The following KCNQ5 variants were observed in gnomAD, a reference collection of about 807,000 sequenced individuals.
KCNQ5 encodes potassium voltage-gated channel subfamily Q member 5.
KCNQ5 carries 30 observed loss-of-function variants against 98.2 expected under a neutral mutation model. The ratio of observed to expected loss-of-function variants is 0.31; its 90% CI spans 0.23 to 0.41. The LOEUF is 0.41. Ranked by LOEUF, KCNQ5 falls within the 10% of genes least tolerant of loss-of-function variation. The pLI is 1.00. For synonymous variants in KCNQ5, 458 were observed against 449.4 expected (o/e 1.02, Z -0.24); for missense variants, 835 against 1,182.5 (o/e 0.71, Z 4.31).
chr6:72,988,251 A>C (rs968989901), intron 1 of KCNQ5, among the ~76,000 whole-genome samples: 7 of 152,218 alleles, frequency 4.6e-5, no homozygotes, highest in African/African-American at 1.7e-4. Context: ...TCCGCATCTT[A>C]TAGATGAGGC....
At chr6:73,165,813 T>A (rs971783555) in intron 10 of KCNQ5, among the ~76,000 whole-genome samples, 1 of 151,654 alleles carries the variant, frequency 6.6e-6, no homozygotes, top group Non-Finnish European at 1.5e-5. Context: ...TGTGTGGTGG[T>A]GGGCACCTAT....
At chr6:72,686,325 G>T (rs535943545) in intron 1 of KCNQ5, among the ~76,000 whole-genome samples, 1 of 152,222 alleles carries the variant, frequency 6.6e-6, no homozygotes, top group South Asian at 2.1e-4. Context: ...ATTTTGTGAT[G>T]TTCCCTCGAG....
intron 1 of KCNQ5, among the ~76,000 whole-genome samples, chr6:72,852,713 AT>A (rs1469699705): frequency 8.8e-6 from 1 of 113,666 alleles, no homozygotes; most frequent in Admixed American, 8.3e-5. Context: ...CTTTACCTCA[AT>A]AAAAAAAAGA....
At chr6:72,789,020 C>T (rs1016050046) in intron 1 of KCNQ5, among the ~76,000 whole-genome samples, 12 of 152,192 alleles carry the variant, frequency 7.9e-5, no homozygotes, top group African/African-American at 2.9e-4. Flanking sequence ...TGCCAAGCCC[C>T]AGTCCAAACC....
intron 3 of KCNQ5, among the ~76,000 whole-genome samples, chr6:73,071,283 A>G (rs371888088): frequency 6.6e-6 from 1 of 152,170 alleles, no homozygotes; most frequent in East Asian, 1.9e-4. Context: ...TGGTACCATC[A>G]TTTTGAAGGC....
At chr6:72,871,823 C>G (rs1778219122) in intron 1 of KCNQ5, among the ~76,000 whole-genome samples, 1 of 152,122 alleles carries the variant, frequency 6.6e-6, no homozygotes, top group South Asian at 2.1e-4. Flanking sequence ...ATACATCTCT[C>G]CATCTATCAA....
At chr6:72,682,854 C>A (rs1404616630) in intron 1 of KCNQ5, among the ~76,000 whole-genome samples, 1 of 152,090 alleles carries the variant, frequency 6.6e-6, no homozygotes, top group Non-Finnish European at 1.5e-5. Context: ...ACCTAATCTG[C>A]TGATTTTTTC....
At chr6:73,041,828 C>A in intron 2 of KCNQ5, 108 bp from the exon 3 acceptor site, 1 of 1,222,054 alleles carries the variant, frequency 8.2e-7, no homozygotes. Flanking sequence ...ATATTAACAA[C>A]TAGATCCTTT....
chr6:72,742,095 G>T (rs776456303), intron 1 of KCNQ5, among the ~76,000 whole-genome samples: 1 of 152,122 alleles, frequency 6.6e-6, no homozygotes, highest in Admixed American at 6.5e-5. Flanking sequence ...AGGTTTATTC[G>T]CTTGGGGATG....
At chr6:73,119,641 G>T (rs914483858) in intron 7 of KCNQ5, among the ~76,000 whole-genome samples, 27 of 152,026 alleles carry the variant, frequency 1.8e-4, no homozygotes, top group African/African-American at 6.0e-4. Context: ...CATAGTTCAA[G>T]GATTTCATTA....
rs527620337 is a variant in KCNQ5, at chr6:73,149,615, G to A, written c.1468+15974G>A. Among the ~76,000 whole-genome samples, 319 of 152,204 alleles carry A rather than the reference G, an allele frequency of 2.1e-3. 1 individual carries two copies. Among genetic ancestry groups the A allele is most frequent in the African/African-American group, 7.0e-3 (289 of 41,514 alleles). ...GTTCAAGACCAGCCTGGCCAACATGGTGAAACCCTGTCTCTACTAAAAATA... is the reference window on the plus strand; with the variant it reads ...GTTCAAGACCAGCCTGGCCAACATGATGAAACCCTGTCTCTACTAAAAATA... On this transcript the variant is annotated intron_variant, in intron 10 of 13. Transcript: ENST00000370398.
intron 1 of KCNQ5, among the ~76,000 whole-genome samples, chr6:72,982,505 T>G (rs1270283574): frequency 1.4e-5 from 2 of 147,994 alleles, no homozygotes; most frequent in Non-Finnish European, 3.0e-5. Flanking sequence ...TTTTTTTTTT[T>G]TTTTGCTTTC....
chr6:72,792,983 C>T (rs1774138676), intron 1 of KCNQ5, among the ~76,000 whole-genome samples: 1 of 152,118 alleles, frequency 6.6e-6, no homozygotes, highest in African/African-American at 2.4e-5. Flanking sequence ...TAGAATTACC[C>T]ACCTCCTGGG....
At chr6:72,920,092 G>A (rs746188739) in intron 1 of KCNQ5, among the ~76,000 whole-genome samples, 25 of 152,076 alleles carry the variant, frequency 1.6e-4, no homozygotes, top group African/African-American at 3.4e-4. Flanking sequence ...ACCTGAGGTC[G>A]GGAGTTTGAG....
chr6:72,838,324 A>C (rs968285118), intron 1 of KCNQ5, among the ~76,000 whole-genome samples: 1 of 151,964 alleles, frequency 6.6e-6, no homozygotes, highest in Non-Finnish European at 1.5e-5. Context: ...ATAGATCTCC[A>C]TACTCCCTGA....
At position 73,055,542 on chromosome 6, in the gene KCNQ5, C is replaced by T. The variant is rs1772445585; in HGVS notation, c.616+13480C>T. ...GACCTCACAGAAAATCACCTACCCT[C>T]CTGTGAGAGTCTGAAGGACACTATT... On this transcript the variant is annotated intron_variant, in intron 3 of 13. Transcript: ENST00000370398. 3.4e-6 allele frequency: 5 copies of T among 1,471,486 alleles called. No homozygotes were observed. In the South Asian group the frequency reaches 3.4e-5, roughly 10 times the overall value. The allele number at this position is 1,471,486 out of a possible 1,614,324, so 91.2% of individuals were successfully genotyped here.
chr6:72,755,025 T>C (rs1771895801), intron 1 of KCNQ5, among the ~76,000 whole-genome samples: 1 of 152,062 alleles, frequency 6.6e-6, no homozygotes, highest in South Asian at 2.1e-4. Flanking sequence ...TGAAGTTCTG[T>C]TGTTAAATAT....
At chr6:73,035,241 A>G (rs1771360330) in intron 2 of KCNQ5, among the ~76,000 whole-genome samples, 1 of 152,158 alleles carries the variant, frequency 6.6e-6, no homozygotes, top group South Asian at 2.1e-4. Flanking sequence ...CAAATGAGGA[A>G]CCATTGTAAC....
At chr6:73,126,459 C>T in intron 9 of KCNQ5, among the ~76,000 whole-genome samples, 1 of 152,212 alleles carries the variant, frequency 6.6e-6, no homozygotes, top group East Asian at 1.9e-4. Flanking sequence ...CACTGTTGAG[C>T]TTCTGCTCAC....
Sources: gnomAD v4.1 joint callset for allele counts (sites outside exome capture counted in the v4.1 genomes callset) on GRCh38, gnomAD v4.1.1 for gene constraint, MANE v1.5 for transcripts, NCBI Gene and HGNC (gene_info 2026-07-23, HGNC 2026-07-21) for gene names.